Variants in MGAT4C observed in about 807,000 individuals in gnomAD.
The protein encoded by MGAT4C is MGAT4 family member C.
Under a neutral mutation model 40.1 loss-of-function variants are expected in MGAT4C, and 19 were observed. The observed-to-expected ratio is 0.47, with a 90% CI of 0.33 to 0.70. The LOEUF (loss-of-function observed/expected upper bound fraction) is 0.70. MGAT4C is among the 30% of genes least tolerant of loss of function. The probability of loss-of-function intolerance (pLI) is 0.02; values close to 1 mark genes in which losing one functional copy is unlikely to be tolerated. For missense variants in MGAT4C, 491 were observed against 563.2 expected, an observed-to-expected ratio of 0.87 and a Z score of 1.30; for synonymous variants, 181 against 187.1, an observed-to-expected ratio of 0.97 and a Z score of 0.27.
At chr12:86,351,957 T>C (rs1176459979) in intron 3 of MGAT4C, among the ~76,000 whole-genome samples, 2 of 152,078 alleles carry the variant, frequency 1.3e-5, no homozygotes, top group Non-Finnish European at 2.9e-5. Context: ...GTGAGTTTCT[T>C]GTGATTTTGT....
chr12:86,241,250 T>C (rs1951771308), intron 1 of MGAT4C, among the ~76,000 whole-genome samples: 1 of 152,180 alleles, frequency 6.6e-6, no homozygotes, highest in Non-Finnish European at 1.5e-5. Flanking sequence ...GGAAAGTCAC[T>C]TTATGACTAT....
At chr12:86,421,809 T>C (rs982091334) in intron 3 of MGAT4C, among the ~76,000 whole-genome samples, 4 of 152,026 alleles carry the variant, frequency 2.6e-5, no homozygotes, top group Non-Finnish European at 4.4e-5. Context: ...AAAAACCAAA[T>C]GTAAAATATA....
intron 3 of MGAT4C, among the ~76,000 whole-genome samples, chr12:86,433,243 GA>G (rs547708435): frequency 2.0e-5 from 3 of 150,764 alleles, no homozygotes; most frequent in African/African-American, 4.9e-5. Context: ...ACAATGAAAG[GA>G]AAAAAACACA....
chr12:86,167,786 G>A (rs1363957385), intron 1 of MGAT4C, among the ~76,000 whole-genome samples: 1 of 152,136 alleles, frequency 6.6e-6, no homozygotes, highest in Non-Finnish European at 1.5e-5. Flanking sequence ...ATGCATTGAA[G>A]GTTAAATTTC....
intron 2 of MGAT4C, among the ~76,000 whole-genome samples, chr12:86,642,612 G>A (rs1488863794): frequency 6.6e-6 from 1 of 151,688 alleles, no homozygotes; most frequent in Non-Finnish European, 1.5e-5. Context: ...AAGGAGTCAC[G>A]AGACTAGGTT....
At chr12:86,589,475 C>A (rs1355659114) in intron 2 of MGAT4C, among the ~76,000 whole-genome samples, 2 of 151,800 alleles carry the variant, frequency 1.3e-5, no homozygotes, top group African/African-American at 4.8e-5. Context: ...ACCAGAGGTA[C>A]AAGGAGGAAC....
intron 3 of MGAT4C, among the ~76,000 whole-genome samples, chr12:86,395,844 C>T (rs1173580298): frequency 1.3e-5 from 2 of 152,020 alleles, no homozygotes; most frequent in East Asian, 1.9e-4. Context: ...TAACATATGC[C>T]TCAGAGTTTC....
At chr12:86,053,549 A>C (rs1893094610) in intron 1 of MGAT4C, among the ~76,000 whole-genome samples, 1 of 151,946 alleles carries the variant, frequency 6.6e-6, no homozygotes, top group South Asian at 2.1e-4. Context: ...TAAGACCCCA[A>C]AAGCATAGAA....
At chr12:86,336,347 C>T (rs1047239137) in intron 3 of MGAT4C, among the ~76,000 whole-genome samples, 1 of 152,068 alleles carries the variant, frequency 6.6e-6, no homozygotes, top group African/African-American at 2.4e-5. Flanking sequence ...TAATAAATGC[C>T]AAATACACTA....
intron 3 of MGAT4C, among the ~76,000 whole-genome samples, chr12:86,374,789 A>T (rs2136214460): frequency 6.6e-6 from 1 of 152,240 alleles, no homozygotes; most frequent in African/African-American, 2.4e-5. Context: ...GCTTACTACA[A>T]TTACTGGAAA....
intron 2 of MGAT4C, among the ~76,000 whole-genome samples, chr12:86,476,147 T>G (rs529113182): frequency 6.6e-6 from 1 of 152,096 alleles, no homozygotes; most frequent in Non-Finnish European, 1.5e-5. Flanking sequence ...TCTTTATACA[T>G]TACGTAAAAA....
chr12:86,804,511 T>A (rs1274345105), intron 1 of MGAT4C, among the ~76,000 whole-genome samples: 1 of 151,948 alleles, frequency 6.6e-6, no homozygotes, highest in East Asian at 1.9e-4. Flanking sequence ...TTTTATTATA[T>A]TTGGCTATTT....
chr12:86,612,170 C>T (rs1342421716), intron 2 of MGAT4C, among the ~76,000 whole-genome samples: 1 of 152,040 alleles, frequency 6.6e-6, no homozygotes, highest in Non-Finnish European at 1.5e-5. Flanking sequence ...TAACAAAGAA[C>T]TTGCATGCAT....
chr12:86,446,549 C>T (rs1440290357), intron 2 of MGAT4C, among the ~76,000 whole-genome samples: 1 of 149,628 alleles, frequency 6.7e-6, no homozygotes, highest in African/African-American at 2.5e-5. Context: ...TGTCTTATTG[C>T]TTTTTTACTC....
intron 1 of MGAT4C, among the ~76,000 whole-genome samples, chr12:86,085,721 T>C (rs546617371): frequency 6.6e-6 from 1 of 152,120 alleles, no homozygotes; most frequent in South Asian, 2.1e-4. Flanking sequence ...TATTAAAAGG[T>C]GGGCAAAGAA....
intron 3 of MGAT4C, among the ~76,000 whole-genome samples, chr12:86,383,022 G>A (rs1592769071): frequency 6.6e-6 from 1 of 152,338 alleles, no homozygotes; most frequent in East Asian, 1.9e-4. Context: ...GGAGCTGTGA[G>A]AAGAGGACCA....
intron 1 of MGAT4C, among the ~76,000 whole-genome samples, chr12:86,165,124 T>A (rs1327911745): frequency 6.6e-6 from 1 of 152,122 alleles, no homozygotes; most frequent in Non-Finnish European, 1.5e-5. Flanking sequence ...ACATATTGGC[T>A]ATTGGAAGTT....
At chr12:86,241,616 G>A (rs61949043) in intron 1 of MGAT4C, among the ~76,000 whole-genome samples, 10,269 of 152,232 alleles carry the variant, frequency 0.067, 492 homozygotes, top group Middle Eastern at 0.21. Flanking sequence ...AGTCTAGAAG[G>A]AGCAGAGTGG....
intron 2 of MGAT4C, among the ~76,000 whole-genome samples, chr12:86,514,312 A>T (rs1330501086): frequency 6.6e-6 from 1 of 152,120 alleles, no homozygotes; most frequent in Non-Finnish European, 1.5e-5. Flanking sequence ...CCAGAGGGGG[A>T]TCTGTATCAT....
Sources: allele counts gnomAD v4.1 joint callset (sites outside exome capture counted in the v4.1 genomes callset), GRCh38; gene constraint gnomAD v4.1.1; transcripts MANE v1.5; gene names NCBI Gene and HGNC (gene_info 2026-07-23, HGNC 2026-07-21).